Variants in BBX observed in about 807,000 individuals in gnomAD.
BBX encodes BBX high mobility group box domain containing, also known as HMG box transcription factor BBX.
Under a neutral mutation model 100.2 loss-of-function variants are expected in BBX, and 30 were observed. The observed-to-expected ratio is 0.30, with a 90% CI of 0.22 to 0.41. BBX has a LOEUF of 0.41. Among genes scored for constraint, BBX ranks in the 10% least tolerant of loss-of-function variants. The pLI is 1.00. For synonymous variants in BBX, 376 were observed against 388.1 expected, an observed-to-expected ratio of 0.97 and a Z score of 0.37; for missense variants, 1,023 against 1,129.8, an observed-to-expected ratio of 0.91 and a Z score of 1.35.
intron 2 of BBX, among the ~76,000 whole-genome samples, chr3:107,633,135 T>G (rs2056648764): frequency 6.6e-6 from 1 of 152,228 alleles, no homozygotes; most frequent in Non-Finnish European, 1.5e-5. Context: ...AACTTTATTA[T>G]ATAAGTTACT....
At chr3:107,697,248 T>C (rs1016523483) in intron 3 of BBX, among the ~76,000 whole-genome samples, 14 of 151,938 alleles carry the variant, frequency 9.2e-5, no homozygotes, top group South Asian at 2.1e-4. Flanking sequence ...TGAGGAACTG[T>C]GTTCCTTTCG....
At chr3:107,582,797 A>T (rs1317377862) in intron 2 of BBX, among the ~76,000 whole-genome samples, 2 of 152,006 alleles carry the variant, frequency 1.3e-5, no homozygotes, top group African/African-American at 4.8e-5. Flanking sequence ...TTCAATAATG[A>T]TCTGTTTTTC....
Position 107,778,501 on chromosome 3 carries a change from C to T in BBX, c.2185C>T (p.Pro729Ser). The change falls in exon 13 of 18, where the codon CCG (proline) becomes TCG (serine). Residue 729 changes from proline (P) to serine (S), a missense_variant. By Grantham distance (74) the Pro-to-Ser change is moderately conservative. Coordinates refer to ENST00000325805, the MANE Select transcript of BBX (RefSeq NM_001142568.3). ...KKKTGNVSSEPTKTSKGPFQS... is the reference protein window; with the variant it reads ...KKKTGNVSSESTKTSKGPFQS... ...GAAGACTGGAAATGTGTCCTCAGAA[C>T]CGACTAAAACCAGCAAAGGTTAGGT... 6.2e-7 allele frequency: 1 copy of T among 1,612,976 alleles called. No individual in the cohort carries two copies. The highest frequency in any genetic ancestry group is 8.5e-7 in the Non-Finnish European group (1 of 1,179,342).
intron 2 of BBX, among the ~76,000 whole-genome samples, chr3:107,632,055 G>T (rs1376897208): frequency 6.7e-6 from 1 of 150,298 alleles, no homozygotes; most frequent in African/African-American, 2.4e-5. Flanking sequence ...GGAACCTCTG[G>T]TGGAATCTTA....
At chr3:107,547,641 G>A (rs139670096) in intron 2 of BBX, among the ~76,000 whole-genome samples, 2 of 152,056 alleles carry the variant, frequency 1.3e-5, no homozygotes, top group African/African-American at 4.8e-5. Context: ...GGTGTACCCG[G>A]CACTCTTCTG....
At chr3:107,705,391 T>C (rs1326170123) in intron 3 of BBX, among the ~76,000 whole-genome samples, 1 of 152,096 alleles carries the variant, frequency 6.6e-6, no homozygotes, top group Non-Finnish European at 1.5e-5. Flanking sequence ...TGTATACTAA[T>C]GTTTTAATGA....
chr3:107,528,606 AT>A (rs2047938440), intron 2 of BBX, among the ~76,000 whole-genome samples: 1 of 152,168 alleles, frequency 6.6e-6, no homozygotes, highest in South Asian at 2.1e-4. Flanking sequence ...TATAGATCTG[AT>A]TTTTATACTT....
chr3:107,553,958 T>C (rs1001936164), intron 2 of BBX, among the ~76,000 whole-genome samples: 1 of 152,236 alleles, frequency 6.6e-6, no homozygotes, highest in Non-Finnish European at 1.5e-5. Flanking sequence ...TTTTTTCTTC[T>C]GGATTCTCCA....
chr3:107,736,377 G>T (rs1484518405), intron 7 of BBX, among the ~76,000 whole-genome samples: 1 of 151,768 alleles, frequency 6.6e-6, no homozygotes, highest in African/African-American at 2.4e-5. Flanking sequence ...GGAGATGACA[G>T]CCTCTCTATT....
chr3:107,701,962 C>G (rs767432029), intron 3 of BBX, among the ~76,000 whole-genome samples: 1 of 152,140 alleles, frequency 6.6e-6, no homozygotes, highest in Non-Finnish European at 1.5e-5. Flanking sequence ...TCACCATCAT[C>G]AGTAGGAGTT....
chr3:107,750,101 C>G (rs1393220955), intron 9 of BBX, among the ~76,000 whole-genome samples: 2 of 152,132 alleles, frequency 1.3e-5, no homozygotes, highest in East Asian at 3.9e-4. Flanking sequence ...GCTCCGTACA[C>G]TAATTCTTGA....
At chr3:107,713,967 C>CTTTTTTTTTTT (rs569427270) in intron 4 of BBX, among the ~76,000 whole-genome samples, 10 of 82,280 alleles carry the variant, frequency 1.2e-4, no homozygotes, top group East Asian at 6.6e-4. Context: ...TAATTTTTTT[C>CTTTTTTTTTTT]TTTTTTTTTT....
At chr3:107,803,967 T>C (rs543535473) in intron 17 of BBX, among the ~76,000 whole-genome samples, 1 of 145,912 alleles carries the variant, frequency 6.9e-6, no homozygotes, top group East Asian at 2.0e-4. Flanking sequence ...TTTTTTTTCC[T>C]TTTCTAATAC....
At chr3:107,727,636 A>G (rs560038457) in intron 5 of BBX, among the ~76,000 whole-genome samples, 94 of 152,348 alleles carry the variant, frequency 6.2e-4, no homozygotes, top group Non-Finnish European at 1.1e-3. Context: ...ACCATTGTCA[A>G]TTAACATTGC....
chr3:107,531,333 C>G (rs774395093), intron 2 of BBX, among the ~76,000 whole-genome samples: 1 of 152,130 alleles, frequency 6.6e-6, no homozygotes, highest in Non-Finnish European at 1.5e-5. Context: ...CTCCTGCTGC[C>G]TCTATTGCTT....
At chr3:107,653,329 A>T (rs1436733224) in intron 3 of BBX, among the ~76,000 whole-genome samples, 1 of 152,214 alleles carries the variant, frequency 6.6e-6, no homozygotes, top group Non-Finnish European at 1.5e-5. Flanking sequence ...CCAACACTTC[A>T]TCAGCGACCC....
chr3:107,651,455 AAAAT>A (rs1307070727), intron 3 of BBX, among the ~76,000 whole-genome samples: 1 of 152,214 alleles, frequency 6.6e-6, no homozygotes, highest in Non-Finnish European at 1.5e-5. Context: ...CATCATTATA[AAAAT>A]TGACTTCCAT....
At position 107,798,422 on chromosome 3, in the gene BBX, T is replaced by A. The variant is rs565329770; in HGVS notation, c.2354-101T>A. The A allele has an allele frequency of 4.6e-5, 51 of 1,112,876 alleles. No homozygotes were observed. In the East Asian group the frequency reaches 1.1e-3, roughly 25 times the overall value. 68.9% of individuals were successfully genotyped at this position (1,112,876 alleles called of 1,614,324 possible). On this transcript the variant is annotated intron_variant, in intron 15 of 17. Transcript: ENST00000325805. ...CTTTGAAAACTCTGAGTGTAAATTC[T>A]CCATTCAGACGGGTCAGAAATTTAG...
intron 11 of BBX, among the ~76,000 whole-genome samples, chr3:107,774,354 C>T (rs1032417086): frequency 2.0e-5 from 3 of 152,084 alleles, no homozygotes; most frequent in African/African-American, 7.2e-5. Flanking sequence ...CCTATTTCAT[C>T]CCCAGGGATG....
Sources: allele counts gnomAD v4.1 joint callset (sites outside exome capture counted in the v4.1 genomes callset), GRCh38; gene constraint gnomAD v4.1.1; transcripts MANE v1.5; gene names NCBI Gene and HGNC (gene_info 2026-07-23, HGNC 2026-07-21).